Variants in DMBT1 observed in about 807,000 individuals in gnomAD.
DMBT1 encodes scavenger receptor cysteine-rich domain-containing protein DMBT1.
DMBT1 carries 198 observed loss-of-function variants against 252.9 expected under a neutral mutation model. The ratio of observed to expected loss-of-function variants is 0.78; its 90% confidence interval spans 0.70 to 0.88. The LOEUF is 0.88. DMBT1 is among the 40% of genes least tolerant of loss of function. DMBT1 has a pLI of 0.00. For synonymous variants in DMBT1, 990 were observed against 942.7 expected (o/e 1.05, Z -0.92); for missense variants, 2,432 against 2,404.7 (o/e 1.01, Z -0.24).
Position 122,643,448 on chromosome 10 carries a change from G to T in DMBT1, c.*50G>T. 1 of 1,555,998 alleles carries T rather than the reference G, an allele frequency of 6.4e-7. No individual in the cohort carries two copies. On this transcript the variant is annotated 3_prime_UTR_variant, in exon 56 of 56. Coordinates refer to ENST00000338354, the MANE Select transcript of DMBT1 (RefSeq NM_001377530.1). ...CCACCGGGGCGCAGACCCCTGACTC[G>T]GGGACTTGGGATGTTCCTCTTGGTG... is the stretch of plus-strand genomic sequence containing the variant.
rs138223632 is a variant in DMBT1 at position 122,619,331 on chromosome 10, A to G, written c.5239A>G (p.Arg1747Gly). 6.2e-7 allele frequency: 1 copy of G among 1,613,956 alleles called. No homozygotes were observed. The highest frequency in any genetic ancestry group is 8.5e-7 in the Non-Finnish European group (1 of 1,179,860). ...AGCTGCTCAGTCCCAGTCAACGCCC[A>G]GGCCAGGTGAGTCCCCAGCATCCTT... The part of the protein sequence containing the change: ...CSAAQSQSTP[R>G]PDTWLTTNLP... Residue 1747 changes from arginine (R) to glycine (G), a missense_variant, in exon 42 of 56, where the codon AGG (arginine) becomes GGG (glycine). Around this residue, in one of 3 missense-constraint regions of DMBT1, gnomAD observed 1,162 missense variants for 1,169.0 expected, o/e 0.99. Coordinates refer to ENST00000338354, the MANE Select transcript of DMBT1 (RefSeq NM_001377530.1).
In DMBT1 at chr10:122,631,211, G is replaced by T. The variant is rs549756748; in HGVS notation, c.6276G>T (p.Trp2092Cys). The change falls in exon 49 of 56, where the codon TGG becomes TGT. Residue 2092 changes from tryptophan (W) to cysteine (C), a missense_variant. This residue lies in a region of DMBT1 where 1,162 missense variants were observed against 1,169.0 expected (regional missense o/e 0.99). Transcript: ENST00000338354. ...GCTCAGGGACGGAATCCACTCTCTG[G>T]CAGTGCCGGAACCGAGGCTGGTTCT... The part of the protein sequence containing the change: ...VECSGTESTL[W>C]QCRNRGWFSH... The T allele has an allele frequency of 1.2e-6, 2 of 1,613,878 alleles. No homozygotes were observed. The highest frequency in any genetic ancestry group is 1.7e-6 in the Non-Finnish European group (2 of 1,179,906).
At chr10:122,635,940 C>T (rs527474697) in intron 52 of DMBT1, 51 bp from the exon 53 acceptor site, 52 of 1,594,380 alleles carry the variant, frequency 3.3e-5, no homozygotes, top group Middle Eastern at 4.1e-4. Context: ...TGACCCCCTG[C>T]GTCAAATTCT....
In DMBT1 at chr10:122,560,847, A is replaced by T; in HGVS notation, c.61+16A>T. 1 of 1,537,584 alleles carries T rather than the reference A, an allele frequency of 6.5e-7. No individual in the cohort carries two copies. ...CTATCTACAGGTATTACGTTTAATT[A>T]TTATATTCATTAATTTCTCTCCTGC... is the stretch of plus-strand genomic sequence containing the variant. On this transcript the variant is annotated intron_variant, in intron 1 of 55. Transcript: ENST00000338354.
At chr10:122,569,539 C>T (rs921699895) in intron 2 of DMBT1, among the ~76,000 whole-genome samples, 3 of 152,106 alleles carry the variant, frequency 2.0e-5, no homozygotes, top group African/African-American at 4.8e-5. Flanking sequence ...ATGGCGTGTT[C>T]CCCAAAGAGG....
At position 122,579,874 on chromosome 10, in the gene DMBT1, A is replaced by C. The variant is rs759516753; in HGVS notation, c.976A>C (p.Ser326Arg). Reference sequence around the variant, plus strand: ...CTGGCTCACCCACAACTGTGGCCATAGTGAAGACGCTGGTGTCATCTGCTC... The same window carrying C: ...CTGGCTCACCCACAACTGTGGCCATCGTGAAGACGCTGGTGTCATCTGCTC... ...NGWLTHNCGH[S>R]EDAGVICSAP... The change falls in exon 10 of 56, where the codon AGT (serine) becomes CGT (arginine). Residue 326 changes from serine to arginine, a missense_variant. Coordinates refer to ENST00000338354, the MANE Select transcript of DMBT1 (RefSeq NM_001377530.1). 43 of 1,613,848 alleles carry C rather than the reference A, an allele frequency of 2.7e-5. No homozygotes were observed. The South Asian group carries it at 2.7e-4, about 10-fold the overall frequency.
Position 122,591,488 on chromosome 10 carries a change from C to T in DMBT1, c.2147C>T (p.Ser716Leu), listed in dbSNP as rs202151396. 294 of 1,587,518 alleles carry T rather than the reference C, an allele frequency of 1.9e-4. 35 individuals carry two copies. In the South Asian group the frequency reaches 2.4e-3, roughly 13 times the overall value. The change falls in exon 19 of 56, where the codon TCG (serine) becomes TTG (leucine). Residue 716 changes from serine (S) to leucine (L), a missense_variant. Around this residue, in one of 3 missense-constraint regions of DMBT1, gnomAD observed 1,264 missense variants for 1,082.2 expected, o/e 1.17. Coordinates refer to ENST00000338354, the MANE Select transcript of DMBT1 (RefSeq NM_001377530.1). ...SRSTPRPDTL[S>L]TITLPPSTVG... ...TTGTTGCAATTTACAGACACGTTGT[C>T]GACCATCACGTTACCTCCATCGACA...
At chr10:122,639,584 C>T (rs1339738393) in intron 54 of DMBT1, among the ~76,000 whole-genome samples, 1 of 152,080 alleles carries the variant, frequency 6.6e-6, no homozygotes, top group Non-Finnish European at 1.5e-5. Context: ...AAGGCAGGAA[C>T]CAGCCATTTT....
Position 122,589,326 on chromosome 10 carries a change from G to A in DMBT1, c.2107+59G>A, listed in dbSNP as rs1010820871. ...GGGTAGATTTTGCCCAGGAAGAGAG[G>A]TCTTATGTTCTAATCTCCTCACTCA... On this transcript the variant is annotated intron_variant, in intron 17 of 55. Transcript: ENST00000338354. The A allele has an allele frequency of 5.7e-6, 9 of 1,581,682 alleles. 1 individual carries two copies. The highest frequency in any genetic ancestry group is 6.0e-6 in the Non-Finnish European group (7 of 1,161,912).
intron 9 of DMBT1, 119 bp from the exon 10 acceptor site, chr10:122,579,459 A>T (rs2097745604): frequency 6.4e-7 from 1 of 1,569,598 alleles, no homozygotes; most frequent in South Asian, 1.2e-5. Flanking sequence ...GGTCATATGC[A>T]AAGGTGACTG....
At position 122,617,265 on chromosome 10, in the gene DMBT1, A is replaced by G; in HGVS notation, c.4891+5A>G. On this transcript the variant is annotated splice_donor_5th_base_variant and intron_variant, in intron 40 of 55. Coordinates refer to ENST00000338354, the MANE Select transcript of DMBT1 (RefSeq NM_001377530.1). The stretch of plus-strand genomic sequence containing the variant: ...CCTCTCGTGCATCAACAGCAGGTAA[A>G]CAATCCTCTCACCCCTCCCTAGGGC... 3 of 1,609,502 alleles carry G rather than the reference A, an allele frequency of 1.9e-6. No homozygotes were observed. The highest frequency in any genetic ancestry group is 1.7e-4 in the Middle Eastern group (1 of 6,024).
intron 2 of DMBT1, among the ~76,000 whole-genome samples, chr10:122,567,165 G>A (rs1372114257): frequency 6.6e-6 from 1 of 152,206 alleles, no homozygotes; most frequent in Non-Finnish European, 1.5e-5. Context: ...AAATGGCCTG[G>A]GAAAGGCAGA....
intron 54 of DMBT1, among the ~76,000 whole-genome samples, chr10:122,639,786 G>A (rs1591622884): frequency 1.3e-5 from 2 of 152,148 alleles, no homozygotes; most frequent in African/African-American, 2.4e-5. Flanking sequence ...GAAAATGTAC[G>A]CTAAGAGCAG....
At position 122,630,012 on chromosome 10, in the gene DMBT1, T is replaced by C. The variant is rs755747711; in HGVS notation, c.5822+19T>C. 40 of 1,613,592 alleles carry C rather than the reference T, an allele frequency of 2.5e-5. No homozygotes were observed. Among genetic ancestry groups the C allele is most frequent in the Middle Eastern group, 1.6e-4 (1 of 6,076 alleles). On this transcript the variant is annotated intron_variant, in intron 47 of 55. Coordinates refer to ENST00000338354, the MANE Select transcript of DMBT1 (RefSeq NM_001377530.1). ...ATCTGAAGTAAGTAATGCCTGGTCA[T>C]CTGGTGAGGGGTGAGTTCCTCTGCA...
intron 2 of DMBT1, among the ~76,000 whole-genome samples, chr10:122,569,073 C>A (rs922955085): frequency 6.6e-6 from 1 of 152,136 alleles, no homozygotes; most frequent in African/African-American, 2.4e-5. Flanking sequence ...TTTTCATAGA[C>A]AATGAAGGTC....
intron 46 of DMBT1, among the ~76,000 whole-genome samples, chr10:122,629,083 A>G (rs1175128939): frequency 6.6e-6 from 1 of 152,254 alleles, no homozygotes; most frequent in Non-Finnish European, 1.5e-5. Context: ...ACCACTTAAT[A>G]TTTATCCTTT....
rs1565794358 is a variant in DMBT1 at position 122,598,134 on chromosome 10, C to T, written c.2956+122C>T. 3.0e-5 allele frequency: 43 copies of T among 1,444,536 alleles called. 1 individual carries two copies. In the South Asian group the frequency reaches 4.6e-4, roughly 16 times the overall value. The allele number at this position is 1,444,536 out of a possible 1,614,324, so 89.5% of individuals were successfully genotyped here. ...CTCTTTTTCATGTCCCTGTGGGTTGCATGGGAGGAAGGTAGCGTCTCTGGG... is the reference window on the plus strand; with the variant it reads ...CTCTTTTTCATGTCCCTGTGGGTTGTATGGGAGGAAGGTAGCGTCTCTGGG... On this transcript the variant is annotated intron_variant, in intron 25 of 55. Transcript: ENST00000338354.
At chr10:122,638,224 C>A (rs938590091) in intron 54 of DMBT1, among the ~76,000 whole-genome samples, 1 of 152,096 alleles carries the variant, frequency 6.6e-6, no homozygotes, top group African/African-American at 2.4e-5. Flanking sequence ...TGAAGGTGAC[C>A]ATTGTTCCTA....
intron 7 of DMBT1, 115 bp from the exon 8 acceptor site, chr10:122,577,696 G>C (rs1381209583): frequency 8.1e-7 from 1 of 1,235,008 alleles, no homozygotes; most frequent in Non-Finnish European, 1.1e-6. Context: ...GGCCCACTTG[G>C]TGGGCGTGTG....
Sources: gnomAD v4.1 joint callset for allele counts (sites outside exome capture counted in the v4.1 genomes callset) on GRCh38, gnomAD v4.1.1 for gene constraint, gnomAD v4.1.1 regional missense constraint, MANE v1.5 for transcripts, NCBI Gene and HGNC (gene_info 2026-07-23, HGNC 2026-07-21) for gene names.